The following FARP2 variants were observed in gnomAD, a reference collection of about 807,000 sequenced individuals.
The protein encoded by FARP2 is FERM, ARH/RhoGEF and pleckstrin domain protein 2.
A neutral mutation model predicts 130.5 loss-of-function variants in FARP2; 111 were observed. That is an observed-to-expected ratio of 0.85 (90% CI 0.73 to 1.00). The LOEUF (loss-of-function observed/expected upper bound fraction) is 1.00. Ranked by LOEUF, FARP2 falls within the 50% of genes least tolerant of loss-of-function variation. The pLI, the probability that FARP2 is intolerant of heterozygous loss-of-function variation, is 0.00. For synonymous variants in FARP2, 504 were observed against 516.9 expected (o/e 0.98, Z 0.34); for missense variants, 1,385 against 1,346.3 (o/e 1.03, Z -0.45).
intron 17 of FARP2, chr2:241,465,703 C>G: frequency 6.4e-7 from 1 of 1,550,956 alleles, no homozygotes; most frequent in South Asian, 1.2e-5. Flanking sequence ...CGTGACCGCC[C>G]AAGGTGTGGA....
chr2:241,465,772 C>A (rs1441692952), intron 17 of FARP2: 2 of 1,550,450 alleles, frequency 1.3e-6, no homozygotes, highest in Non-Finnish European at 1.7e-6. Flanking sequence ...AGCTCCCCCT[C>A]CTCCATCCCT....
chr2:241,389,521 T>C (rs987086644), intron 2 of FARP2, among the ~76,000 whole-genome samples: 2 of 152,194 alleles, frequency 1.3e-5, no homozygotes, highest in Admixed American at 1.3e-4. Context: ...CTGCCCAGTC[T>C]ATGGTGTATT....
At chr2:241,382,714 G>A (rs2061690899) in intron 2 of FARP2, among the ~76,000 whole-genome samples, 1 of 152,168 alleles carries the variant, frequency 6.6e-6, no homozygotes, top group South Asian at 2.1e-4. Flanking sequence ...TCCAGAAACA[G>A]CAGAAGCACC....
At chr2:241,491,390 C>T in intron 23 of FARP2, 126 bp from the exon 24 acceptor site, 1 of 1,079,884 alleles carries the variant, frequency 9.3e-7, no homozygotes, top group South Asian at 1.5e-5. Context: ...TCTCAGCCAG[C>T]AGCTGGCCTA....
chr2:241,436,032 C>G (rs899849559), intron 11 of FARP2, among the ~76,000 whole-genome samples: 12 of 150,664 alleles, frequency 8.0e-5, no homozygotes, highest in Admixed American at 2.7e-4. Context: ...CTTGCCTCAG[C>G]CTCCCAAGTA....
intron 2 of FARP2, among the ~76,000 whole-genome samples, chr2:241,392,853 G>A (rs1383682719): frequency 1.3e-5 from 2 of 151,374 alleles, no homozygotes; most frequent in Admixed American, 6.6e-5. Flanking sequence ...TGAGGCAGGA[G>A]AATCACTTGA....
chr2:241,487,896 C>T (rs575174748), intron 21 of FARP2, among the ~76,000 whole-genome samples: 26 of 151,428 alleles, frequency 1.7e-4, no homozygotes, highest in Admixed American at 3.3e-4. Flanking sequence ...TACAGGCGCC[C>T]GCCACCACGC....
intron 21 of FARP2, 194 bp from the exon 22 acceptor site, chr2:241,489,768 C>T: frequency 1.9e-6 from 1 of 536,112 alleles, no homozygotes; most frequent in East Asian, 3.1e-5. Flanking sequence ...ATGGCTCACC[C>T]CCTGGGGTGC....
intron 17 of FARP2, chr2:241,465,538 G>A (rs2064146340): frequency 6.4e-7 from 1 of 1,550,454 alleles, no homozygotes; most frequent in Admixed American, 2.0e-5. Context: ...GGCAGCACTG[G>A]GGGAAGTGAG....
intron 19 of FARP2, among the ~76,000 whole-genome samples, chr2:241,480,302 T>TA (rs1417911909): frequency 2.0e-5 from 3 of 152,214 alleles, no homozygotes; most frequent in African/African-American, 7.2e-5. Context: ...CATTAGGACT[T>TA]ACCACCTCCT....
chr2:241,366,546 G>A (rs1385153319), intron 1 of FARP2, among the ~76,000 whole-genome samples: 1 of 152,042 alleles, frequency 6.6e-6, no homozygotes, highest in African/African-American at 2.4e-5. Flanking sequence ...CAATTAGTCT[G>A]TGTACTATGT....
intron 2 of FARP2, among the ~76,000 whole-genome samples, chr2:241,374,815 G>A (rs563546006): frequency 3.9e-5 from 6 of 152,324 alleles, no homozygotes; most frequent in African/African-American, 1.4e-4. Flanking sequence ...CATCACTTCT[G>A]TTGCAGAGAA....
chr2:241,450,318 G>A (rs1176362710), intron 13 of FARP2, among the ~76,000 whole-genome samples: 1 of 152,024 alleles, frequency 6.6e-6, no homozygotes, highest in Non-Finnish European at 1.5e-5. Flanking sequence ...AGCCATGATT[G>A]TGGCACTCCA....
chr2:241,452,680 T>A (rs1034642072), intron 13 of FARP2, among the ~76,000 whole-genome samples: 2 of 150,916 alleles, frequency 1.3e-5, no homozygotes, highest in African/African-American at 4.9e-5. Flanking sequence ...GTGGCTCACA[T>A]CTGTAATCCC....
At chr2:241,450,497 C>G (rs1449151464) in intron 13 of FARP2, among the ~76,000 whole-genome samples, 1 of 151,484 alleles carries the variant, frequency 6.6e-6, no homozygotes, top group Non-Finnish European at 1.5e-5. Flanking sequence ...GAAACCCCGT[C>G]TCTACTAAAA....
intron 2 of FARP2, chr2:241,395,824 A>G (rs905654349): frequency 2.0e-5 from 3 of 152,096 alleles, no homozygotes; most frequent in Admixed American, 6.6e-5. Context: ...TTGTTTTCCA[A>G]TAATTTCAGT....
chr2:241,447,672 G>A (rs1559779572), intron 13 of FARP2, among the ~76,000 whole-genome samples: 1 of 152,150 alleles, frequency 6.6e-6, no homozygotes, highest in African/African-American at 2.4e-5. Context: ...AGCTCTGCAG[G>A]TTCTGGGCAA....
intron 6 of FARP2, 21 bp from the exon 7 acceptor site, chr2:241,413,286 C>T: frequency 1.4e-6 from 2 of 1,478,698 alleles, no homozygotes; most frequent in East Asian, 2.3e-5. Context: ...AAATTAGTTA[C>T]TTACTTTTAA....
At chr2:241,466,699 CCA>C (rs1439391123) in intron 17 of FARP2, 366 of 640,546 alleles carry the variant, frequency 5.7e-4, no homozygotes, top group Non-Finnish European at 6.6e-4. Context: ...ACCCCCCCCC[CCA>C]CCACCACCAC....
Sources: allele counts gnomAD v4.1 joint callset (sites outside exome capture counted in the v4.1 genomes callset), GRCh38; gene constraint gnomAD v4.1.1; transcripts MANE v1.5; gene names NCBI Gene and HGNC (gene_info 2026-07-23, HGNC 2026-07-21).